Variants in URI1 observed in about 807,000 individuals in gnomAD.
The protein encoded by URI1 is URI1 prefoldin like chaperone.
Under a neutral mutation model 60.2 loss-of-function variants are expected in URI1, and 39 were observed. The observed-to-expected ratio is 0.65, with a 90% CI of 0.50 to 0.85. The LOEUF (loss-of-function observed/expected upper bound fraction) is 0.85. Among genes scored for constraint, URI1 ranks in the 40% least tolerant of loss-of-function variants. The pLI is 0.00. For missense variants in URI1, 691 were observed against 665.9 expected (o/e 1.04, Z -0.42); for synonymous variants, 251 against 236.8 (o/e 1.06, Z -0.55).
chr19:29,998,761 TC>T (rs1244518507), intron 4 of URI1, among the ~76,000 whole-genome samples: 1 of 152,294 alleles, frequency 6.6e-6, no homozygotes, highest in East Asian at 1.9e-4. Context: ...AACAATTGAT[TC>T]TGCCAATTTA....
At chr19:30,004,660 C>T (rs2055917544) in intron 4 of URI1, 3 of 151,830 alleles carry the variant, frequency 2.0e-5, no homozygotes, top group Admixed American at 2.0e-4. Context: ...AGTTAGAAAC[C>T]CCATGTATTT....
chr19:29,967,372 G>A (rs945783656), intron 1 of URI1, among the ~76,000 whole-genome samples: 6 of 152,036 alleles, frequency 3.9e-5, no homozygotes, highest in African/African-American at 1.4e-4. Context: ...ATATGATGAG[G>A]TGTGATAGTA....
intron 9 of URI1, 56 bp downstream of exon 9, chr19:30,011,292 A>G (rs2056016027): frequency 6.5e-7 from 1 of 1,536,432 alleles, no homozygotes; most frequent in Non-Finnish European, 8.7e-7. Flanking sequence ...TCTTTCTGCC[A>G]CTGAACCTTT....
chr19:29,971,130 T>C, intron 1 of URI1, 63 bp from the exon 2 acceptor site: 1 of 1,521,724 alleles, frequency 6.6e-7, no homozygotes, highest in East Asian at 2.3e-5. Flanking sequence ...TCAGATACAC[T>C]GATTTTTGTA....
intron 1 of URI1, among the ~76,000 whole-genome samples, chr19:29,967,892 C>T (rs79758957): frequency 0.015 from 2,347 of 152,272 alleles, 25 homozygotes; most frequent in Non-Finnish European, 0.024. Context: ...TTTAAACCGC[C>T]TCCATTGAAC....
At chr19:29,944,321 A>C (rs768894711) in intron 1 of URI1, among the ~76,000 whole-genome samples, 2 of 151,010 alleles carry the variant, frequency 1.3e-5, no homozygotes, top group South Asian at 2.1e-4. Context: ...AAAACTTGGC[A>C]TTTTTTATTC....
Position 30,015,801 on chromosome 19 carries a change from T to C in URI1, c.*732T>C, listed in dbSNP as rs2056078829. 3 of 430,864 alleles carry C rather than the reference T, an allele frequency of 7.0e-6. No homozygotes were observed. The highest frequency in any genetic ancestry group is 6.1e-5 in the African/African-American group (3 of 49,040). 26.7% of individuals were successfully genotyped at this position (430,864 alleles called of 1,614,324 possible). ...ATCACACAACAGATCTGGAATTCTT[T>C]CAGTTCCTCAGATACTTCTCCCTTA... On this transcript the variant is annotated 3_prime_UTR_variant, in exon 11 of 11. Transcript: ENST00000392271.
intron 1 of URI1, among the ~76,000 whole-genome samples, chr19:29,954,676 G>A (rs10415087): frequency 0.016 from 2,457 of 151,614 alleles, 71 homozygotes; most frequent in African/African-American, 0.057. Context: ...CACCATGCCC[G>A]GCTAATTTAA....
At chr19:29,943,206 C>T (rs951454658) in intron 1 of URI1, among the ~76,000 whole-genome samples, 1 of 152,152 alleles carries the variant, frequency 6.6e-6, no homozygotes, top group African/African-American at 2.4e-5. Context: ...CTACCCTTCC[C>T]CACCTCGCCT....
At chr19:30,011,504 G>T (rs898248838) in intron 9 of URI1, among the ~76,000 whole-genome samples, 3 of 149,654 alleles carry the variant, frequency 2.0e-5, no homozygotes, top group Admixed American at 6.7e-5. Flanking sequence ...AGAAAATCTT[G>T]TATCTTCAGA....
intron 2 of URI1, among the ~76,000 whole-genome samples, chr19:29,979,639 G>A (rs931972228): frequency 6.6e-6 from 1 of 152,026 alleles, no homozygotes; most frequent in South Asian, 2.1e-4. Flanking sequence ...TTGTTTCATT[G>A]ACTTGAAAAA....
intron 5 of URI1, 28 bp downstream of exon 5, chr19:30,005,480 T>A: frequency 1.3e-6 from 2 of 1,537,452 alleles, no homozygotes. Context: ...GTCTTCTATA[T>A]TTTTAGAAAA....
chr19:29,958,566 T>C (rs747351411), intron 1 of URI1, among the ~76,000 whole-genome samples: 1 of 152,234 alleles, frequency 6.6e-6, no homozygotes, highest in Non-Finnish European at 1.5e-5. Context: ...TTGTTGTATA[T>C]TGCTAGATTA....
chr19:30,012,530 AGGTGTGTGT>A lies in URI1; in HGVS notation c.1425+1_1425+9del. The A allele has an allele frequency of 1.9e-6, 3 of 1,613,836 alleles. No individual in the cohort carries two copies. The highest frequency in any genetic ancestry group is 2.5e-6 in the Non-Finnish European group (3 of 1,179,838). On this transcript the variant is annotated splice_donor_variant and splice_donor_5th_base_variant and coding_sequence_variant and intron_variant, in exon 10 of 11. Coordinates refer to ENST00000392271, the MANE Select transcript of URI1 (RefSeq NM_003796.3). LOFTEE classifies it high-confidence loss of function. The stretch of plus-strand genomic sequence containing the variant: ...CTTTTGCCCTTATCAGTAACACCTG[AGGTGTGTGT>A]GTGTATCTTTTAATTCTTTATTTCA...
At chr19:29,987,698 T>G (rs2055689635) in intron 4 of URI1, among the ~76,000 whole-genome samples, 1 of 152,194 alleles carries the variant, frequency 6.6e-6, no homozygotes, top group Non-Finnish European at 1.5e-5. Flanking sequence ...AGTTATAACT[T>G]AAAATATTAA....
intron 1 of URI1, chr19:29,956,864 T>A: frequency 9.2e-6 from 14 of 1,515,402 alleles, no homozygotes; most frequent in Non-Finnish European, 1.3e-5. Flanking sequence ...GAGTTCTACG[T>A]TGATGTGATT....
rs2055935865 is a variant in URI1, at chr19:30,005,856, T to C, written c.517+148T>C. 14 of 697,920 alleles carry C rather than the reference T, an allele frequency of 2.0e-5. No homozygotes were observed. In the South Asian group the frequency reaches 3.2e-4, roughly 16 times the overall value. 43.2% of individuals were successfully genotyped at this position (697,920 alleles called of 1,614,324 possible). On this transcript the variant is annotated intron_variant, in intron 6 of 10. Transcript: ENST00000392271. Reference sequence around the variant, plus strand: ...ATTTTTCTACTCATTGATTTTTTTTTATGTGAAACATTAATGGATAAATAA... The same window carrying C: ...ATTTTTCTACTCATTGATTTTTTTTCATGTGAAACATTAATGGATAAATAA...
intron 2 of URI1, among the ~76,000 whole-genome samples, chr19:29,972,881 CT>C (rs760646161): frequency 7.2e-5 from 11 of 152,152 alleles, no homozygotes; most frequent in East Asian, 5.8e-4. Flanking sequence ...GCATATTTGC[CT>C]ACACATATCT....
chr19:29,979,879 C>G (rs958716504), intron 2 of URI1, among the ~76,000 whole-genome samples: 3 of 152,102 alleles, frequency 2.0e-5, no homozygotes, highest in Admixed American at 6.5e-5. Context: ...TTGCCATGAC[C>G]ATTTAGAAAA....
Sources: gnomAD v4.1 joint callset for allele counts (sites outside exome capture counted in the v4.1 genomes callset) on GRCh38, gnomAD v4.1.1 for gene constraint, MANE v1.5 for transcripts, NCBI Gene and HGNC (gene_info 2026-07-23, HGNC 2026-07-21) for gene names.